Variants in PEPD observed in about 807,000 individuals in gnomAD.
PEPD encodes the protein peptidase D.
In PEPD, 53 loss-of-function variants were observed where a neutral mutation model predicts 60.7. That is an observed-to-expected ratio of 0.87 (90% CI 0.70 to 1.10). PEPD has a LOEUF of 1.10. Among genes scored for constraint, PEPD ranks in the 50% least tolerant of loss-of-function variants. The pLI, the probability that PEPD is intolerant of heterozygous loss-of-function variation, is 0.00. For missense variants in PEPD, 711 were observed against 711.9 expected (o/e 1.00, Z 0.01); for synonymous variants, 267 against 284.1 (o/e 0.94, Z 0.60).
intron 3 of PEPD, among the ~76,000 whole-genome samples, chr19:33,508,835 T>A (rs1448475071): frequency 6.6e-6 from 1 of 152,236 alleles, no homozygotes; most frequent in Non-Finnish European, 1.5e-5. Flanking sequence ...GAAACACTGC[T>A]GTGGCCATTT....
intron 3 of PEPD, among the ~76,000 whole-genome samples, chr19:33,503,255 A>C (rs1168179270): frequency 1.3e-5 from 2 of 152,166 alleles, no homozygotes; most frequent in African/African-American, 4.8e-5. Context: ...GGCCCGGGAG[A>C]CGCTGGTCTC....
At chr19:33,501,111 A>G in intron 3 of PEPD, 110 bp from the exon 4 acceptor site, 1 of 774,318 alleles carries the variant, frequency 1.3e-6, no homozygotes, top group Non-Finnish European at 2.4e-6. Flanking sequence ...CATCCCTATC[A>G]CGGTCAGCAC....
intron 9 of PEPD, among the ~76,000 whole-genome samples, chr19:33,446,013 C>G (rs953344303): frequency 3.3e-5 from 5 of 152,232 alleles, no homozygotes; most frequent in Admixed American, 6.5e-5. Flanking sequence ...CTGTCCAAAC[C>G]ACCTGGACCC....
At chr19:33,440,659 A>G (rs1267096847) in intron 9 of PEPD, among the ~76,000 whole-genome samples, 2 of 151,712 alleles carry the variant, frequency 1.3e-5, no homozygotes, top group African/African-American at 4.8e-5. Context: ...CCTACTCAAC[A>G]CTGTCAATCA....
At chr19:33,499,807 C>G (rs898786801) in intron 4 of PEPD, among the ~76,000 whole-genome samples, 26 of 152,354 alleles carry the variant, frequency 1.7e-4, no homozygotes, top group African/African-American at 6.3e-4. Context: ...GGTACTGGCC[C>G]ACCTGCAGTC....
At chr19:33,431,162 A>AGAAGGAAGGAAGGAAG in intron 9 of PEPD, among the ~76,000 whole-genome samples, 1 of 134,928 alleles carries the variant, frequency 7.4e-6, no homozygotes, top group Admixed American at 7.6e-5. Context: ...AAGGAAGGAA[A>AGAAGGAAGGAAGGAAG]GAAGGAAGGA....
At chr19:33,444,472 C>A (rs896718304) in intron 9 of PEPD, among the ~76,000 whole-genome samples, 2 of 151,746 alleles carry the variant, frequency 1.3e-5, no homozygotes, top group African/African-American at 4.8e-5. Context: ...CCATGTGGGG[C>A]CTGACTTAGT....
At chr19:33,462,546 T>C (rs566740346) in intron 9 of PEPD, among the ~76,000 whole-genome samples, 2 of 152,280 alleles carry the variant, frequency 1.3e-5, no homozygotes, top group African/African-American at 4.8e-5. Flanking sequence ...GCAGCCCTAA[T>C]AGGAGCAGAA....
intron 5 of PEPD, among the ~76,000 whole-genome samples, chr19:33,492,143 A>AT (rs1970513696): frequency 6.6e-6 from 1 of 151,932 alleles, no homozygotes; most frequent in Non-Finnish European, 1.5e-5. Flanking sequence ...AAGAAGTGTA[A>AT]GAAAGCACAC....
At chr19:33,474,055 A>C (rs1255725335) in intron 7 of PEPD, among the ~76,000 whole-genome samples, 2 of 152,338 alleles carry the variant, frequency 1.3e-5, no homozygotes, top group East Asian at 3.9e-4. Flanking sequence ...CCAAGCTGCT[A>C]GCAGAAGCTG....
intron 9 of PEPD, among the ~76,000 whole-genome samples, chr19:33,452,516 A>G (rs555936568): frequency 6.6e-6 from 1 of 152,156 alleles, no homozygotes; most frequent in South Asian, 2.1e-4. Context: ...TGATTTTATG[A>G]AAAGGCCAAT....
intron 7 of PEPD, among the ~76,000 whole-genome samples, chr19:33,468,987 T>C (rs1195149362): frequency 2.6e-5 from 4 of 152,116 alleles, no homozygotes; most frequent in African/African-American, 9.7e-5. Context: ...CCGAACCCAC[T>C]TGTGGTCCCT....
At chr19:33,465,261 C>T (rs923677835) in intron 7 of PEPD, among the ~76,000 whole-genome samples, 13 of 152,182 alleles carry the variant, frequency 8.5e-5, no homozygotes, top group African/African-American at 2.4e-4. Context: ...TTAGGTAGGA[C>T]ATCTTGATTC....
chr19:33,412,189 C>CA (rs1215984393), intron 10 of PEPD, among the ~76,000 whole-genome samples: 2 of 151,552 alleles, frequency 1.3e-5, no homozygotes, highest in South Asian at 2.1e-4. Flanking sequence ...ACAGAAAATG[C>CA]AAAAAAAATT....
chr19:33,437,794 G>A (rs1191774991), intron 9 of PEPD, among the ~76,000 whole-genome samples: 1 of 152,198 alleles, frequency 6.6e-6, no homozygotes, highest in Non-Finnish European at 1.5e-5. Context: ...GCCTCAGGCA[G>A]TGATTTCCAA....
chr19:33,445,416 T>A (rs918843635), intron 9 of PEPD, among the ~76,000 whole-genome samples: 1 of 152,196 alleles, frequency 6.6e-6, no homozygotes, highest in Non-Finnish European at 1.5e-5. Context: ...TTTAAACAGG[T>A]GATTAGGCTA....
chr19:33,445,544 A>T (rs1409408000), intron 9 of PEPD, among the ~76,000 whole-genome samples: 1 of 152,204 alleles, frequency 6.6e-6, no homozygotes, highest in Non-Finnish European at 1.5e-5. Context: ...CCGCATGAGG[A>T]CATGGCAAGA....
At chr19:33,513,941 C>T (rs1970979628) in intron 1 of PEPD, among the ~76,000 whole-genome samples, 1 of 152,124 alleles carries the variant, frequency 6.6e-6, no homozygotes, top group Non-Finnish European at 1.5e-5. Context: ...TCCTACCCAC[C>T]CCATCCCCCA....
intron 11 of PEPD, among the ~76,000 whole-genome samples, chr19:33,403,921 CCAA>C (rs1968558509): frequency 6.6e-6 from 1 of 152,180 alleles, no homozygotes; most frequent in Admixed American, 6.5e-5. Context: ...GCTGCTTAGG[CCAA>C]CAACTGCCTG....
Sources: gnomAD v4.1 joint callset for allele counts (sites outside exome capture counted in the v4.1 genomes callset) on GRCh38, gnomAD v4.1.1 for gene constraint, MANE v1.5 for transcripts, NCBI Gene and HGNC (gene_info 2026-07-23, HGNC 2026-07-21) for gene names.